The following THSD7A variants were observed in gnomAD, a reference collection of about 807,000 sequenced individuals.
THSD7A encodes thrombospondin type-1 domain-containing protein 7A.
In THSD7A, 96 loss-of-function variants were observed where a neutral mutation model predicts 231.3. The ratio of observed to expected loss-of-function variants is 0.41; its 90% CI spans 0.35 to 0.49. The LOEUF is 0.49. Ranked by LOEUF, THSD7A falls within the 20% of genes least tolerant of loss-of-function variation. The pLI, the probability that THSD7A is intolerant of heterozygous loss-of-function variation, is 0.05. For missense variants in THSD7A, 2,290 were observed against 2,070.2 expected, an observed-to-expected ratio of 1.11 and a Z score of -2.06; for synonymous variants, 940 against 743.3, an observed-to-expected ratio of 1.26 and a Z score of -4.30.
chr7:11,830,026 C>T (rs1785149068), intron 1 of THSD7A, among the ~76,000 whole-genome samples: 1 of 152,158 alleles, frequency 6.6e-6, no homozygotes. Context: ...CATTTACATG[C>T]AGTTGAGAAA....
At chr7:11,476,121 T>C (rs1465839171) in intron 7 of THSD7A, among the ~76,000 whole-genome samples, 1 of 152,024 alleles carries the variant, frequency 6.6e-6, no homozygotes, top group African/African-American at 2.4e-5. Flanking sequence ...TTTAACTTTT[T>C]GTTCAAATTC....
chr7:11,495,346 G>A (rs1301697950), intron 6 of THSD7A, among the ~76,000 whole-genome samples: 1 of 151,924 alleles, frequency 6.6e-6, no homozygotes, highest in Non-Finnish European at 1.5e-5. Flanking sequence ...CTTGGCCGTA[G>A]GTGCTTATGA....
intron 11 of THSD7A, among the ~76,000 whole-genome samples, chr7:11,457,247 T>G (rs1785338048): frequency 6.6e-6 from 1 of 152,068 alleles, no homozygotes; most frequent in Admixed American, 6.6e-5. Context: ...ATATTTCCAC[T>G]TGGCTAACCC....
At chr7:11,430,581 C>T (rs558674854) in intron 13 of THSD7A, among the ~76,000 whole-genome samples, 1 of 152,198 alleles carries the variant, frequency 6.6e-6, no homozygotes, top group South Asian at 2.1e-4. Flanking sequence ...CTACCTCAGC[C>T]TCTTAAGTAG....
intron 13 of THSD7A, among the ~76,000 whole-genome samples, chr7:11,435,838 T>C (rs74559885): frequency 0.052 from 7,857 of 151,956 alleles, 193 homozygotes; most frequent in Admixed American, 0.065. Flanking sequence ...AGAAGTAAGG[T>C]TGGCTTGGAG....
At chr7:11,409,973 C>T (rs1401607011) in intron 19 of THSD7A, among the ~76,000 whole-genome samples, 2 of 152,118 alleles carry the variant, frequency 1.3e-5, no homozygotes, top group African/African-American at 2.4e-5. Context: ...AACCCCCGAC[C>T]TCAGGTGATC....
intron 26 of THSD7A, 129 bp from the exon 27 acceptor site, chr7:11,376,786 G>A (rs1419324729): frequency 1.0e-4 from 54 of 531,242 alleles, no homozygotes; most frequent in South Asian, 8.1e-5. Flanking sequence ...TATTGCTTCA[G>A]CACAGTTAAT....
chr7:11,468,693 G>A (rs1454899475), intron 9 of THSD7A, among the ~76,000 whole-genome samples: 1 of 152,068 alleles, frequency 6.6e-6, no homozygotes, highest in Non-Finnish European at 1.5e-5. Context: ...AATTAGCCAG[G>A]TGTGGTGGCA....
intron 1 of THSD7A, among the ~76,000 whole-genome samples, chr7:11,828,850 C>T (rs1018444499): frequency 2.6e-5 from 4 of 152,072 alleles, no homozygotes; most frequent in Non-Finnish European, 5.9e-5. Flanking sequence ...TTGATTTGGG[C>T]AGTTCAACTT....
At chr7:11,612,270 A>G (rs1354572022) in intron 2 of THSD7A, among the ~76,000 whole-genome samples, 1 of 152,144 alleles carries the variant, frequency 6.6e-6, no homozygotes, top group Non-Finnish European at 1.5e-5. Flanking sequence ...AGCTCGACTG[A>G]CACCACCACC....
At position 11,754,120 on chromosome 7, in the gene THSD7A, C is replaced by G. The variant is rs78107658; in HGVS notation, c.190+77637G>C. Among the ~76,000 whole-genome samples the G allele has an allele frequency of 5.5e-3, 833 of 151,960 alleles. 7 individuals carry two copies. The highest frequency in any genetic ancestry group is 0.019 in the African/African-American group (795 of 41,502). ...ATAGAAACCATCTCCCAGGAAGCCCCTATTTCAGATTTACTAGAAAAATAT... is the reference window on the plus strand; with the variant it reads ...ATAGAAACCATCTCCCAGGAAGCCCGTATTTCAGATTTACTAGAAAAATAT... On this transcript the variant is annotated intron_variant, in intron 1 of 27. Coordinates refer to ENST00000423059, the MANE Select transcript of THSD7A (RefSeq NM_015204.3).
intron 1 of THSD7A, among the ~76,000 whole-genome samples, chr7:11,809,906 G>A (rs957089167): frequency 6.6e-6 from 1 of 152,010 alleles, no homozygotes; most frequent in Non-Finnish European, 1.5e-5. Flanking sequence ...TATATTTTGG[G>A]GCTCAAGTTG....
intron 1 of THSD7A, among the ~76,000 whole-genome samples, chr7:11,696,598 C>A (rs981470862): frequency 1.3e-5 from 2 of 151,202 alleles, no homozygotes; most frequent in South Asian, 2.1e-4. Flanking sequence ...TCCCCCTCCC[C>A]CCGACAGGCC....
chr7:11,796,921 C>T (rs1042360333), intron 1 of THSD7A, among the ~76,000 whole-genome samples: 9 of 151,984 alleles, frequency 5.9e-5, no homozygotes, highest in Non-Finnish European at 8.8e-5. Flanking sequence ...GTGGAATTTC[C>T]GCTAAAGTAT....
chr7:11,440,940 A>G (rs1784785164), intron 13 of THSD7A, among the ~76,000 whole-genome samples: 1 of 152,080 alleles, frequency 6.6e-6, no homozygotes, highest in Admixed American at 6.6e-5. Flanking sequence ...TGCATGCAAC[A>G]GAGAACTCTT....
chr7:11,375,410 ACTCTTCATGCTAGG>A lies in THSD7A; in HGVS notation c.*370_*383del. 1 of 158,056 alleles carries A rather than the reference ACTCTTCATGCTAGG, an allele frequency of 6.3e-6. No individual in the cohort carries two copies. The highest frequency in any genetic ancestry group is 1.4e-5 in the Non-Finnish European group (1 of 72,732). 9.8% of individuals were successfully genotyped at this position (158,056 alleles called of 1,614,324 possible). On this transcript the variant is annotated 3_prime_UTR_variant, in exon 28 of 28. Coordinates refer to ENST00000423059, the MANE Select transcript of THSD7A (RefSeq NM_015204.3). ...TAGTATTGTGGAGATCTTGGTAGAA[ACTCTTCATGCTAGG>A]AAGTTTTATGGATTAACACTGCAGA...
At chr7:11,412,911 C>A in intron 17 of THSD7A, 111 bp from the exon 18 acceptor site, 17 of 1,209,032 alleles carry the variant, frequency 1.4e-5, no homozygotes, top group Non-Finnish European at 2.0e-5. Context: ...CTGGCTAACT[C>A]AGAAAAGTCA....
At chr7:11,736,889 T>C (rs1781934709) in intron 1 of THSD7A, among the ~76,000 whole-genome samples, 1 of 152,030 alleles carries the variant, frequency 6.6e-6, no homozygotes, top group Admixed American at 6.6e-5. Flanking sequence ...AATTGAATCA[T>C]GGGGGCAGTT....
chr7:11,502,501 G>C (rs955956449), intron 6 of THSD7A, among the ~76,000 whole-genome samples: 1 of 152,052 alleles, frequency 6.6e-6, no homozygotes, highest in African/African-American at 2.4e-5. Context: ...CAATAAATGT[G>C]ATTCATCATA....
Sources: gnomAD v4.1 joint callset for allele counts (sites outside exome capture counted in the v4.1 genomes callset) on GRCh38, gnomAD v4.1.1 for gene constraint, MANE v1.5 for transcripts, NCBI Gene and HGNC (gene_info 2026-07-23, HGNC 2026-07-21) for gene names.